Variants in CYP11A1 observed in about 807,000 individuals in gnomAD.
CYP11A1 encodes cholesterol side-chain cleavage enzyme, mitochondrial.
Under a neutral mutation model 51.9 loss-of-function variants are expected in CYP11A1, and 25 were observed. That is an observed-to-expected ratio of 0.48 (90% CI 0.35 to 0.67). The LOEUF (loss-of-function observed/expected upper bound fraction) is 0.67, where lower values mean the gene tolerates loss of function less well. CYP11A1 is among the 30% of genes least tolerant of loss of function. The probability of loss-of-function intolerance (pLI) is 0.00; values close to 1 mark genes in which losing one functional copy is unlikely to be tolerated. For missense variants in CYP11A1, 578 were observed against 680.9 expected, an observed-to-expected ratio of 0.85 and a Z score of 1.68; for synonymous variants, 245 against 262.1, an observed-to-expected ratio of 0.93 and a Z score of 0.63.
intron 1 of CYP11A1, among the ~76,000 whole-genome samples, chr15:74,351,169 T>C (rs1220107194): frequency 6.6e-6 from 1 of 152,154 alleles, no homozygotes; most frequent in Non-Finnish European, 1.5e-5. Flanking sequence ...TTTTTTATGT[T>C]TTTTTTCTCT....
chr15:74,341,453 C>T (rs910358520), intron 5 of CYP11A1, among the ~76,000 whole-genome samples: 7 of 152,206 alleles, frequency 4.6e-5, no homozygotes, highest in African/African-American at 1.7e-4. Flanking sequence ...TTGACATGTG[C>T]TTCTCCCTAG....
intron 7 of CYP11A1, among the ~76,000 whole-genome samples, 186 bp downstream of exon 7, chr15:74,339,051 C>T (rs931959952): frequency 3.9e-5 from 6 of 152,206 alleles, no homozygotes; most frequent in Non-Finnish European, 7.3e-5. Flanking sequence ...TCCCTCCTAA[C>T]CCTGGGTTCC....
chr15:74,339,567 A>T lies in CYP11A1; in HGVS notation c.1157+20T>A, dbSNP rs756410813. ...CCCAGGGATTGGAGTTGGGGGCGGC[A>T]TGGGTGGTTGTGGGCTTGCCTTAGT... On this transcript the variant is annotated intron_variant, in intron 6 of 8. Coordinates refer to ENST00000268053, the MANE Select transcript of CYP11A1 (RefSeq NM_000781.3). 1.2e-6 allele frequency: 2 copies of T among 1,610,116 alleles called. No individual in the cohort carries two copies. The highest frequency in any genetic ancestry group is 1.7e-6 in the Non-Finnish European group (2 of 1,176,884).
At chr15:74,338,342 A>G in intron 8 of CYP11A1, 1 of 706,112 alleles carries the variant, frequency 1.4e-6, no homozygotes, top group Non-Finnish European at 2.5e-6. Context: ...CCATCCCATC[A>G]CCACCATGGG....
rs545912556 is a variant in CYP11A1 at position 74,341,892 on chromosome 15, T to C, written c.990+1085A>G. 7.9e-5 allele frequency among the ~76,000 whole-genome samples: 12 copies of C among 152,278 alleles called. 1 individual carries two copies. In the South Asian group the frequency reaches 2.5e-3, roughly 32 times the overall value. ...GTGAGACAGAGGGAGAAGACGGCCA[T>C]CTACAAGCCAAGGAAAGAGGCCTTT... On this transcript the variant is annotated intron_variant, in intron 5 of 8. Transcript: ENST00000268053.
chr15:74,343,170 G>A lies in CYP11A1; in HGVS notation c.830-33C>T, dbSNP rs1555425676. 1.3e-5 allele frequency: 21 copies of A among 1,611,972 alleles called. No individual in the cohort carries two copies. In the Middle Eastern group the frequency reaches 5.6e-4, roughly 43 times the overall value. The stretch of plus-strand genomic sequence containing the variant: ...GAAGGAGGAAAGAAAAAAGAGTGAG[G>A]TTCCCTGCAGGCGGGTGGGAAGGAG... On this transcript the variant is annotated intron_variant, in intron 4 of 8. Transcript: ENST00000268053.
At chr15:74,338,238 G>A (rs2060588515) in intron 8 of CYP11A1, 135 bp from the exon 9 acceptor site, 6 of 1,027,396 alleles carry the variant, frequency 5.8e-6, no homozygotes, top group East Asian at 4.9e-5. Context: ...AGCTCCTGGT[G>A]TAACCCTGCA....
At chr15:74,341,982 CA>C (rs2060609107) in intron 5 of CYP11A1, among the ~76,000 whole-genome samples, 1 of 152,182 alleles carries the variant, frequency 6.6e-6, no homozygotes. Flanking sequence ...GTGAGAAAAT[CA>C]ATGTTTGTTG....
intron 1 of CYP11A1, chr15:74,354,719 T>G (rs1198641106): frequency 1.3e-5 from 2 of 152,614 alleles, no homozygotes; most frequent in Non-Finnish European, 2.9e-5. Flanking sequence ...TTCTCCAACC[T>G]CTCTCACTAT....
At chr15:74,365,953 G>A in intron 1 of CYP11A1, 1 of 963,220 alleles carries the variant, frequency 1.0e-6, no homozygotes, top group Non-Finnish European at 1.2e-6. Flanking sequence ...GGAACTTGGC[G>A]GCAGAGTGAC....
chr15:74,346,373 A>G (rs951694298), intron 2 of CYP11A1, among the ~76,000 whole-genome samples: 1 of 130,942 alleles, frequency 7.6e-6, no homozygotes, highest in African/African-American at 2.8e-5. Flanking sequence ...AAAAAAAAAA[A>G]GAAAGAAAGA....
At chr15:74,340,488 C>T (rs1336148466) in intron 5 of CYP11A1, among the ~76,000 whole-genome samples, 1 of 152,190 alleles carries the variant, frequency 6.6e-6, no homozygotes, top group East Asian at 1.9e-4. Flanking sequence ...GTTGTTGACA[C>T]ATTATCTTAC....
At chr15:74,364,796 G>A (rs1479082276) in intron 1 of CYP11A1, among the ~76,000 whole-genome samples, 1 of 152,196 alleles carries the variant, frequency 6.6e-6, no homozygotes, top group Non-Finnish European at 1.5e-5. Flanking sequence ...AAGTGAGCAC[G>A]GGACAGAAGC....
chr15:74,364,386 T>C (rs2060722231), intron 1 of CYP11A1: 1 of 152,178 alleles, frequency 6.6e-6, no homozygotes, highest in South Asian at 2.1e-4. Context: ...AGTGTGAAGA[T>C]CGATTCACAC....
chr15:74,365,571 G>A (rs2060728381), intron 1 of CYP11A1: 3 of 632,940 alleles, frequency 4.7e-6, no homozygotes, highest in African/African-American at 4.0e-5. Context: ...ACCTCTCTCC[G>A]AGAGTTTCAA....
chr15:74,351,009 C>G (rs904924916), intron 1 of CYP11A1: 1 of 152,216 alleles, frequency 6.6e-6, no homozygotes, highest in Non-Finnish European at 1.5e-5. Flanking sequence ...CTCTCTTTCT[C>G]TTTTCTGTTC....
Position 74,354,948 on chromosome 15 carries a change from G to A in CYP11A1, c.270-6893C>T, listed in dbSNP as rs117191116. ...GATTATTCACCCACATTTCAGAGGT[G>A]TTTGATCACCACGGGGACACCTGCC... On this transcript the variant is annotated intron_variant, in intron 1 of 8. Coordinates refer to ENST00000268053, the MANE Select transcript of CYP11A1 (RefSeq NM_000781.3). Among the ~76,000 whole-genome samples, 233 of 152,234 alleles carry A rather than the reference G, an allele frequency of 1.5e-3. 1 individual carries two copies. Among genetic ancestry groups the A allele is most frequent in the Non-Finnish European group, 2.8e-3 (190 of 68,026 alleles).
chr15:74,366,310 T>G, intron 1 of CYP11A1: 1 of 929,330 alleles, frequency 1.1e-6, no homozygotes, highest in Non-Finnish European at 1.3e-6. Context: ...GAGACAGAGT[T>G]TCGCTTTTGT....
rs921345473 is a variant in CYP11A1, at chr15:74,343,675, C to A, written c.829+114G>T. On this transcript the variant is annotated intron_variant, in intron 4 of 8. Transcript: ENST00000268053. Reference sequence around the variant, plus strand: ...CTTCCTGACACCCACGCCTGCCCGCCACAGTGTGGGTTTCCTACAGGTCAA... The same window carrying A: ...CTTCCTGACACCCACGCCTGCCCGCAACAGTGTGGGTTTCCTACAGGTCAA... 3.1e-4 allele frequency: 301 copies of A among 961,264 alleles called. 1 individual carries two copies. Among genetic ancestry groups the A allele is most frequent in the Non-Finnish European group, 5.1e-5 (30 of 592,408 alleles). 59.5% of individuals were successfully genotyped at this position (961,264 alleles called of 1,614,324 possible).
Sources: gnomAD v4.1 joint callset for allele counts (sites outside exome capture counted in the v4.1 genomes callset) on GRCh38, gnomAD v4.1.1 for gene constraint, MANE v1.5 for transcripts, NCBI Gene and HGNC (gene_info 2026-07-23, HGNC 2026-07-21) for gene names.